NAALADL2: variants seen among roughly 807,000 people sequenced by gnomAD.
NAALADL2 encodes the protein inactive N-acetylated-alpha-linked acidic dipeptidase-like protein 2.
A neutral mutation model predicts 87.2 loss-of-function variants in NAALADL2; 76 were observed. That is an observed-to-expected ratio of 0.87 (90% CI 0.72 to 1.05). The LOEUF is 1.05. Ranked by LOEUF, NAALADL2 falls within the 50% of genes least tolerant of loss-of-function variation. The pLI is 0.00. For missense variants in NAALADL2, 1,089 were observed against 945.8 expected (o/e 1.15, Z -1.99); for synonymous variants, 354 against 331.0 (o/e 1.07, Z -0.75).
At chr3:175,260,008 A>T (rs1030768595) in intron 4 of NAALADL2, among the ~76,000 whole-genome samples, 1 of 152,088 alleles carries the variant, frequency 6.6e-6, no homozygotes, top group Non-Finnish European at 1.5e-5. Context: ...AGCCTGGGTG[A>T]CAGAATGAAA....
chr3:175,620,193 C>G lies in NAALADL2; in HGVS notation c.1801-7098C>G, dbSNP rs111802771. On this transcript the variant is annotated intron_variant, in intron 10 of 13. Coordinates refer to ENST00000454872, the MANE Select transcript of NAALADL2 (RefSeq NM_207015.3). The stretch of plus-strand genomic sequence containing the variant: ...TGGTGCCACTTTGCCAGCCAGAAAT[C>G]TCTGTGGCTGCTGCAACCTCTACCT... Among the ~76,000 whole-genome samples, 615 of 152,318 alleles carry G rather than the reference C, an allele frequency of 4.0e-3. 3 individuals are homozygous for G. The highest frequency in any genetic ancestry group is 0.014 in the African/African-American group (571 of 41,584).
intron 1 of NAALADL2, among the ~76,000 whole-genome samples, chr3:174,911,354 A>T (rs1272936101): frequency 6.6e-6 from 1 of 152,180 alleles, no homozygotes; most frequent in Non-Finnish European, 1.5e-5. Flanking sequence ...ATATTTGTGC[A>T]TTTGGTTAAA....
chr3:175,716,576 A>G (rs1487288681), intron 11 of NAALADL2, among the ~76,000 whole-genome samples: 1 of 152,064 alleles, frequency 6.6e-6, no homozygotes, highest in Non-Finnish European at 1.5e-5. Context: ...GAGCACTTCC[A>G]TTAGTGGGAA....
intron 1 of NAALADL2, among the ~76,000 whole-genome samples, chr3:175,055,525 C>G (rs1430075314): frequency 1.3e-5 from 2 of 152,194 alleles, no homozygotes; most frequent in African/African-American, 4.8e-5. Flanking sequence ...AGGGGGCAGA[C>G]ATTGTACAGG....
At chr3:174,476,261 T>C (rs1287651934) in intron 1 of NAALADL2, among the ~76,000 whole-genome samples, 3 of 151,962 alleles carry the variant, frequency 2.0e-5, no homozygotes, top group Admixed American at 2.0e-4. Context: ...GTAGTCTTTT[T>C]TTTTTTTTCA....
At chr3:175,268,082 G>A (rs756081128) in intron 4 of NAALADL2, among the ~76,000 whole-genome samples, 2 of 152,130 alleles carry the variant, frequency 1.3e-5, no homozygotes, top group Non-Finnish European at 2.9e-5. Flanking sequence ...TAACAAAGGG[G>A]ATACATTCTC....
At chr3:174,971,937 A>T (rs1579797278) in intron 1 of NAALADL2, among the ~76,000 whole-genome samples, 1 of 152,104 alleles carries the variant, frequency 6.6e-6, no homozygotes, top group East Asian at 1.9e-4. Flanking sequence ...ACCTCAGGTG[A>T]TCCACCTGCC....
intron 9 of NAALADL2, among the ~76,000 whole-genome samples, chr3:175,539,253 T>C (rs537549304): frequency 6.6e-6 from 1 of 152,240 alleles, no homozygotes; most frequent in African/African-American, 2.4e-5. Context: ...AAAAATACTT[T>C]TGATCAAGCA....
intron 2 of NAALADL2, among the ~76,000 whole-genome samples, chr3:175,169,524 CTA>C (rs1197746786): frequency 2.0e-5 from 3 of 151,190 alleles, no homozygotes; most frequent in Non-Finnish European, 3.0e-5. Flanking sequence ...CAGTATTAAA[CTA>C]ATTATTTTGT....
intron 9 of NAALADL2, among the ~76,000 whole-genome samples, chr3:175,502,911 T>A (rs1729750890): frequency 7.0e-6 from 1 of 143,512 alleles, no homozygotes; most frequent in African/African-American, 2.8e-5. Context: ...GGCTTTTTAA[T>A]GAGATTTTTT....
At chr3:175,279,787 AGTGTGTGTGTGT>A (rs34107349) in intron 4 of NAALADL2, among the ~76,000 whole-genome samples, 12 of 125,626 alleles carry the variant, frequency 9.6e-5, no homozygotes, top group South Asian at 3.0e-4. Flanking sequence ...ATAGTGTGTG[AGTGTGTGTGTGT>A]GTGTGTGTGT....
At chr3:175,680,442 C>T (rs1345291262) in intron 11 of NAALADL2, among the ~76,000 whole-genome samples, 1 of 152,124 alleles carries the variant, frequency 6.6e-6, no homozygotes, top group East Asian at 1.9e-4. Flanking sequence ...CATTGAAAGT[C>T]AAACAAGTAA....
At chr3:175,410,548 C>T (rs1159461135) in intron 5 of NAALADL2, among the ~76,000 whole-genome samples, 4 of 151,972 alleles carry the variant, frequency 2.6e-5, no homozygotes, top group Admixed American at 6.6e-5. Context: ...CACTGGGAAA[C>T]GTGAGCAAAA....
In NAALADL2 at chr3:175,357,950, G is replaced by A. The variant is rs1764573497; in HGVS notation, c.1090+33625G>A. ...AGCTGACAACATGGAGCAGACACTG[G>A]CAAAGGTGGGGAGGTTACCTAAGTT... On this transcript the variant is annotated intron_variant, in intron 5 of 13. Transcript: ENST00000454872. Among the ~76,000 whole-genome samples, 4 of 152,280 alleles carry A rather than the reference G, an allele frequency of 2.6e-5. No homozygotes were observed. In the South Asian group the frequency reaches 6.2e-4, roughly 24 times the overall value.
At chr3:174,904,513 C>T (rs750998740) in intron 1 of NAALADL2, among the ~76,000 whole-genome samples, 1 of 151,954 alleles carries the variant, frequency 6.6e-6, no homozygotes, top group East Asian at 1.9e-4. Flanking sequence ...ACTAGCAATT[C>T]TAAATTGTTT....
chr3:175,243,344 ACG>A (rs1491506107), intron 3 of NAALADL2, among the ~76,000 whole-genome samples: 2 of 149,010 alleles, frequency 1.3e-5, no homozygotes, highest in South Asian at 4.3e-4. Context: ...ACACACACAC[ACG>A]CACGCACACA....
At chr3:175,335,945 G>C (rs948575497) in intron 5 of NAALADL2, among the ~76,000 whole-genome samples, 2 of 152,042 alleles carry the variant, frequency 1.3e-5, no homozygotes, top group Non-Finnish European at 2.9e-5. Flanking sequence ...CTGTCTGCTG[G>C]AAACGTGTCA....
At chr3:175,446,255 G>C (rs189339456) in intron 5 of NAALADL2, among the ~76,000 whole-genome samples, 1 of 135,562 alleles carries the variant, frequency 7.4e-6, no homozygotes, top group Admixed American at 7.4e-5. Context: ...TGGGGGGGGC[G>C]GGGGGGACTG....
At chr3:175,061,191 A>G (rs1465753304) in intron 1 of NAALADL2, among the ~76,000 whole-genome samples, 1 of 152,236 alleles carries the variant, frequency 6.6e-6, no homozygotes, top group Non-Finnish European at 1.5e-5. Flanking sequence ...CAACAACCTC[A>G]TTAAAATGCC....
Sources: allele counts gnomAD v4.1 joint callset (sites outside exome capture counted in the v4.1 genomes callset), GRCh38; gene constraint gnomAD v4.1.1; transcripts MANE v1.5; gene names NCBI Gene and HGNC (gene_info 2026-07-23, HGNC 2026-07-21).